CDH23: variants seen among roughly 807,000 people sequenced by gnomAD.
CDH23 encodes the protein cadherin-23.
Under a neutral mutation model 317.1 loss-of-function variants are expected in CDH23, and 189 were observed. The ratio of observed to expected loss-of-function variants is 0.60; its 90% CI spans 0.53 to 0.67. The LOEUF is 0.67. Ranked by LOEUF, CDH23 falls within the 30% of genes least tolerant of loss-of-function variation. CDH23 has a pLI of 0.00. For synonymous variants in CDH23, 1,839 were observed against 1,876.8 expected, an observed-to-expected ratio of 0.98 and a Z score of 0.52; for missense variants, 4,401 against 4,592.4, an observed-to-expected ratio of 0.96 and a Z score of 1.20.
chr10:71,513,288 C>G (rs147409967), intron 6 of CDH23, among the ~76,000 whole-genome samples: 1 of 152,242 alleles, frequency 6.6e-6, no homozygotes, highest in Admixed American at 6.5e-5. Context: ...ATCTGAGGTA[C>G]CTTGACATTG....
intron 48 of CDH23, chr10:71,796,861 A>G: frequency 2.4e-6 from 1 of 424,456 alleles, no homozygotes; most frequent in Non-Finnish European, 4.4e-6. Flanking sequence ...GTGGACACAG[A>G]GGTGCAGAGA....
At chr10:71,790,703 C>T (rs1589423231) in intron 46 of CDH23, 1 of 494,780 alleles carries the variant, frequency 2.0e-6, no homozygotes, top group Non-Finnish European at 3.7e-6. Flanking sequence ...CATGCGCAGG[C>T]CAGAGGCTCA....
chr10:71,813,864 T>C (rs1195689036), intron 69 of CDH23, among the ~76,000 whole-genome samples: 1 of 151,846 alleles, frequency 6.6e-6, no homozygotes, highest in Non-Finnish European at 1.5e-5. Flanking sequence ...ACCAAGACCA[T>C]GCCACTGCAC....
chr10:71,695,313 A>T, intron 21 of CDH23, 105 bp from the exon 22 acceptor site: 1 of 810,558 alleles, frequency 1.2e-6, no homozygotes, highest in Non-Finnish European at 2.1e-6. Context: ...TGGCAGAATT[A>T]ATGCGAAGAT....
At chr10:71,574,116 C>T (rs1169225857) in intron 8 of CDH23, among the ~76,000 whole-genome samples, 1 of 152,122 alleles carries the variant, frequency 6.6e-6, no homozygotes, top group Non-Finnish European at 1.5e-5. Flanking sequence ...CCCCAGCACC[C>T]CCATTCCCAG....
chr10:71,410,512 T>C (rs573913937), intron 1 of CDH23, among the ~76,000 whole-genome samples: 6 of 152,330 alleles, frequency 3.9e-5, no homozygotes, highest in Admixed American at 6.5e-5. Context: ...GCTAAGAGAC[T>C]TCTTAAGGCA....
Position 71,778,417 on chromosome 10 carries a change from GC to G in CDH23, c.5187+111del, listed in dbSNP as rs1564789189. 2.1e-6 allele frequency: 3 copies of G among 1,403,358 alleles called. No homozygotes were observed. The East Asian group carries it at 7.5e-5, about 35-fold the overall frequency. 86.9% of individuals were successfully genotyped at this position (1,403,358 alleles called of 1,614,324 possible). A position where few individuals can be genotyped will look rare whatever the true frequency, so the allele number is the denominator to read the frequency against. ...TAGGGGAAGATTGTCTGAGGGAAAT[GC>G]CTAAATCCAAGACCCCTGTCCTAAT... is the stretch of plus-strand genomic sequence containing the variant. On this transcript the variant is annotated intron_variant, in intron 40 of 69. Coordinates refer to ENST00000224721, the MANE Select transcript of CDH23 (RefSeq NM_022124.6).
At chr10:71,445,431 C>T (rs1416281233) in intron 2 of CDH23, among the ~76,000 whole-genome samples, 1 of 152,226 alleles carries the variant, frequency 6.6e-6, no homozygotes, top group Non-Finnish European at 1.5e-5. Context: ...CAGGGTTCCA[C>T]CCGTCAACCA....
At chr10:71,608,499 G>T (rs1352762283) in intron 9 of CDH23, among the ~76,000 whole-genome samples, 2 of 152,040 alleles carry the variant, frequency 1.3e-5, no homozygotes, top group South Asian at 2.1e-4. Context: ...TCTCCCCTGC[G>T]GCCCCAACAC....
rs1300787030 is a variant in CDH23, at chr10:71,442,680, C to T, written c.67+2782C>T. Reference sequence around the variant, plus strand: ...GGCAGGAAGCGAAGGCCTGGGCAGGCCTGCCCCACCCCATCCTAGACTGAC... The same window carrying T: ...GGCAGGAAGCGAAGGCCTGGGCAGGTCTGCCCCACCCCATCCTAGACTGAC... On this transcript the variant is annotated intron_variant, in intron 2 of 69. Coordinates refer to ENST00000224721, the MANE Select transcript of CDH23 (RefSeq NM_022124.6). 4.6e-5 allele frequency among the ~76,000 whole-genome samples: 7 copies of T among 152,318 alleles called. No homozygotes were observed. In the East Asian group the frequency reaches 9.7e-4, roughly 21 times the overall value.
chr10:71,773,621 T>C (rs1840744154), intron 38 of CDH23: 1 of 500,764 alleles, frequency 2.0e-6, no homozygotes, highest in Non-Finnish European at 3.3e-6. Context: ...GGGAACTGCC[T>C]CTCCGAGGGC....
intron 14 of CDH23, among the ~76,000 whole-genome samples, chr10:71,657,241 T>A (rs1387604987): frequency 6.6e-6 from 1 of 152,240 alleles, no homozygotes; most frequent in African/African-American, 2.4e-5. Context: ...CAGGTTGGCC[T>A]TGAGCCGGTG....
At position 71,780,381 on chromosome 10, in the gene CDH23, G is replaced by A. The variant is rs562727657; in HGVS notation, c.5368+934G>A. On this transcript the variant is annotated intron_variant, in intron 41 of 69. Coordinates refer to ENST00000224721, the MANE Select transcript of CDH23 (RefSeq NM_022124.6). ...AAAATAAAACCAAGCCGGAGGATGG[G>A]GAATGCCAGGGTGAAGGCAGCAATT... 2.6e-5 allele frequency among the ~76,000 whole-genome samples: 4 copies of A among 152,292 alleles called. No individual in the cohort carries two copies. The South Asian group carries it at 8.3e-4, about 32-fold the overall frequency.
chr10:71,476,397 G>A (rs1465127113), intron 3 of CDH23, among the ~76,000 whole-genome samples: 1 of 152,170 alleles, frequency 6.6e-6, no homozygotes, highest in Non-Finnish European at 1.5e-5. Flanking sequence ...GGAACCCAGG[G>A]CCCGGAGAAG....
At chr10:71,639,729 C>A (rs115664071) in intron 11 of CDH23, among the ~76,000 whole-genome samples, 2 of 152,102 alleles carry the variant, frequency 1.3e-5, no homozygotes, top group African/African-American at 4.8e-5. Context: ...AGGTGTGTGA[C>A]GCCTGTGTCA....
At chr10:71,701,999 G>C in intron 22 of CDH23, 23 bp from the exon 23 acceptor site, 1 of 1,612,704 alleles carries the variant, frequency 6.2e-7, no homozygotes, top group South Asian at 1.1e-5. Flanking sequence ...GCTCAGTGAA[G>C]GGGTCTGCTC....
At chr10:71,674,985 C>A (rs1430330887) in intron 14 of CDH23, 127 bp from the exon 15 acceptor site, 2 of 805,036 alleles carry the variant, frequency 2.5e-6, no homozygotes, top group Non-Finnish European at 4.2e-6. Flanking sequence ...CCAGGCCTCA[C>A]TGGGGTCTGG....
chr10:71,743,357 G>A (rs991756125), intron 38 of CDH23, among the ~76,000 whole-genome samples: 1 of 152,184 alleles, frequency 6.6e-6, no homozygotes, highest in African/African-American at 2.4e-5. Context: ...AGCACTGTGG[G>A]AGGTGGGGTC....
intron 17 of CDH23, among the ~76,000 whole-genome samples, chr10:71,679,781 T>A (rs1864536710): frequency 1.3e-5 from 2 of 152,200 alleles, no homozygotes; most frequent in African/African-American, 4.8e-5. Flanking sequence ...TCTGGGGTTC[T>A]CTGTTTCTTA....
Sources: allele counts gnomAD v4.1 joint callset (sites outside exome capture counted in the v4.1 genomes callset), GRCh38; gene constraint gnomAD v4.1.1; transcripts MANE v1.5; gene names NCBI Gene and HGNC (gene_info 2026-07-23, HGNC 2026-07-21).